CACTIN: variants seen among roughly 807,000 people sequenced by gnomAD.
CACTIN encodes the protein cactin, spliceosome C complex subunit, also known as splicing factor Cactin.
A neutral mutation model predicts 84.9 loss-of-function variants in CACTIN; 20 were observed. The observed-to-expected ratio is 0.24, with a 90% CI of 0.17 to 0.34. CACTIN has a LOEUF of 0.34. CACTIN is among the 10% of genes least tolerant of loss of function. The probability of loss-of-function intolerance (pLI) is 1.00; values close to 1 mark genes in which losing one functional copy is unlikely to be tolerated. For synonymous variants in CACTIN, 549 were observed against 467.9 expected (o/e 1.17, Z -2.24); for missense variants, 897 against 1,117.2 (o/e 0.80, Z 2.81).
rs1370916438 is a variant in CACTIN, at chr19:3,615,884, G to A, written c.1163-1295C>T. 6.6e-6 allele frequency: 1 copy of A among 152,246 alleles called. No homozygotes were observed. Among genetic ancestry groups the A allele is most frequent in the Non-Finnish European group, 1.5e-5 (1 of 68,124 alleles). 9.4% of individuals were successfully genotyped at this position (152,246 alleles called of 1,614,324 possible). A position where few individuals can be genotyped will look rare whatever the true frequency, so the allele number is the denominator to read the frequency against. ...CTGCAGCCCCTTTGCTGGGCGCTAA[G>A]TGGCACTGGAATCCGTGGCAGCCCC... On this transcript the variant is annotated intron_variant, in intron 6 of 9. Transcript: ENST00000429344. The surrounding 1 kb of genome is among the most constrained non-coding windows in gnomAD (Gnocchi z 5.2).
chr19:3,614,494 C>T lies in CACTIN; in HGVS notation c.1258G>A (p.Gly420Ser). Residue 420 changes from glycine to serine, a missense_variant, in exon 7 of 10, where the codon GGC (glycine) becomes AGC (serine). Around this residue, in one of 8 missense-constraint regions of CACTIN, gnomAD observed 304 missense variants for 444.3 expected, o/e 0.68. Coordinates refer to ENST00000429344, the MANE Select transcript of CACTIN (RefSeq NM_001080543.2). ...TYNQLQVIFQ[G>S]IEGKIRAGGP... Reference sequence around the variant, plus strand: ...CCAGCGCGGATTTTGCCCTCGATGCCCTGGAAGATGACCTGCAGCTGGTTG... The same window carrying T: ...CCAGCGCGGATTTTGCCCTCGATGCTCTGGAAGATGACCTGCAGCTGGTTG... 2 of 1,605,470 alleles carry T rather than the reference C, an allele frequency of 1.2e-6. No individual in the cohort carries two copies. Among genetic ancestry groups the T allele is most frequent in the Non-Finnish European group, 1.7e-6 (2 of 1,176,072 alleles).
At chr19:3,614,743 G>A (rs888263317) in intron 6 of CACTIN, 154 bp from the exon 7 acceptor site, 2 of 662,590 alleles carry the variant, frequency 3.0e-6, no homozygotes, top group African/African-American at 3.6e-5. Flanking sequence ...CTGGTCTCAG[G>A]TTGTCCCCAC....
Position 3,611,452 on chromosome 19 carries a change from G to A in CACTIN, c.*471C>T, listed in dbSNP as rs1205872742. On this transcript the variant is annotated 3_prime_UTR_variant, in exon 10 of 10. Transcript: ENST00000429344. ...TCACGCCCAGTGGGTGCCCCGTGATGTGGCAGGGCTGGCCTTGAGTTTCCT... is the reference window on the plus strand; with the variant it reads ...TCACGCCCAGTGGGTGCCCCGTGATATGGCAGGGCTGGCCTTGAGTTTCCT... 1 of 401,690 alleles carries A rather than the reference G, an allele frequency of 2.5e-6. No individual in the cohort carries two copies. Among genetic ancestry groups the A allele is most frequent in the Non-Finnish European group, 4.8e-6 (1 of 207,902 alleles). The allele number at this position is 401,690 out of a possible 1,614,324, so 24.9% of individuals were successfully genotyped here.
At chr19:3,626,558 G>T (rs750352310) in intron 1 of CACTIN, 38 bp downstream of exon 1, 2 of 1,367,916 alleles carry the variant, frequency 1.5e-6, no homozygotes, top group East Asian at 3.0e-5. Context: ...CCTGAGGTAG[G>T]AGCCGGATCC....
intron 6 of CACTIN, among the ~76,000 whole-genome samples, chr19:3,618,618 C>G (rs3746127): frequency 3.3e-5 from 5 of 152,120 alleles, no homozygotes; most frequent in African/African-American, 4.8e-5. Flanking sequence ...AGGCCGGCAC[C>G]GCCGAGTCAG....
In CACTIN at chr19:3,620,785, C is replaced by G. The variant is rs1012134926; in HGVS notation, c.660G>C (p.Gly220=). The G allele has an allele frequency of 6.2e-7, 1 of 1,613,374 alleles. No homozygotes were observed. Among genetic ancestry groups the G allele is most frequent in the Non-Finnish European group, 8.5e-7 (1 of 1,179,914 alleles). The change falls in exon 3 of 10, where the codon GGG becomes GGC. Residue 220 remains glycine (G), a synonymous_variant. Transcript: ENST00000429344. ...GCTCCTTCTCCTCCAGGTGGCTGAT[C>G]CCCTTCTTCTCCAGGGCCTGGAAGC... The part of the protein sequence containing the change: ...FIWNKALEKK[G]ISHLEEKELK...
chr19:3,618,888 C>A lies in CACTIN; in HGVS notation c.1149G>T (p.Ser383=). The change falls in exon 6 of 10, where the codon TCG becomes TCT. Residue 383 remains serine (S), a synonymous_variant. Coordinates refer to ENST00000429344, the MANE Select transcript of CACTIN (RefSeq NM_001080543.2). ...EISKLRKLEA[S]GKGPGERREG... ...GCCCGCCGTTACCTGGCCCCTTGCCCGAGGCCTCCAGCTTGCGGAGCTTGG... is the reference window on the plus strand; with the variant it reads ...GCCCGCCGTTACCTGGCCCCTTGCCAGAGGCCTCCAGCTTGCGGAGCTTGG... 6.4e-7 allele frequency: 1 copy of A among 1,552,874 alleles called. No individual in the cohort carries two copies.
intron 1 of CACTIN, among the ~76,000 whole-genome samples, chr19:3,625,974 G>C (rs1025692456): frequency 6.6e-6 from 1 of 152,206 alleles, no homozygotes; most frequent in African/African-American, 2.4e-5. Context: ...AATCAGCTGT[G>C]AGTCCTGCCA....
At chr19:3,625,772 C>A (rs1455299843) in intron 1 of CACTIN, among the ~76,000 whole-genome samples, 1 of 152,220 alleles carries the variant, frequency 6.6e-6, no homozygotes, top group African/African-American at 2.4e-5. Flanking sequence ...GTGAACTTGG[C>A]CCAGAGCGGG....
rs1278651546 is a variant in CACTIN at position 3,620,165 on chromosome 19, C to T, written c.846G>A (p.Glu282=). ...KEAEHFKTWE[E]QEDNFHLQQA... is the part of the protein sequence containing the mutation. Reference sequence around the variant, plus strand: ...GCTGGAGGTGGAAGTTGTCCTCCTGCTCCTCCCATGTCTTGAAGTGCTCTG... The same window carrying T: ...GCTGGAGGTGGAAGTTGTCCTCCTGTTCCTCCCATGTCTTGAAGTGCTCTG... The change falls in exon 4 of 10, where the codon GAG becomes GAA. Residue 282 remains glutamate (E), a synonymous_variant. Coordinates refer to ENST00000429344, the MANE Select transcript of CACTIN (RefSeq NM_001080543.2). 1 of 1,612,028 alleles carries T rather than the reference C, an allele frequency of 6.2e-7. No individual in the cohort carries two copies. Among genetic ancestry groups the T allele is most frequent in the East Asian group, 2.2e-5 (1 of 44,864 alleles).
Position 3,623,832 on chromosome 19 carries a change from C to T in CACTIN, c.498G>A (p.Lys166=). ...LMKAFETPEE[K]RARRLAKKEA... is the part of the protein sequence containing the mutation. ...CCTTCTTGGCCAGCCGCCGTGCGCG[C>T]TTCTCCTCGGGCGTCTCGAAGGCCT... is the stretch of plus-strand genomic sequence containing the variant. The change falls in exon 2 of 10, where the codon AAG becomes AAA. Residue 166 remains lysine, a synonymous_variant. Coordinates refer to ENST00000429344, the MANE Select transcript of CACTIN (RefSeq NM_001080543.2). 6.2e-7 allele frequency: 1 copy of T among 1,613,006 alleles called. No homozygotes were observed. The highest frequency in any genetic ancestry group is 2.2e-5 in the East Asian group (1 of 44,890).
chr19:3,622,026 C>T (rs2033234674), intron 2 of CACTIN, among the ~76,000 whole-genome samples: 1 of 152,168 alleles, frequency 6.6e-6, no homozygotes, highest in South Asian at 2.1e-4. Context: ...CCCCCACAGG[C>T]ACATCCCCGT....
Position 3,615,813 on chromosome 19 carries a change from G to A in CACTIN, c.1163-1224C>T, listed in dbSNP as rs2033093848. Reference sequence around the variant, plus strand: ...CTGGATAGAGTCTAGACGGACCCGAGTCCCCTCCAGCCAATCACCTGGGAC... The same window carrying A: ...CTGGATAGAGTCTAGACGGACCCGAATCCCCTCCAGCCAATCACCTGGGAC... On this transcript the variant is annotated intron_variant, in intron 6 of 9. Transcript: ENST00000429344. The surrounding 1 kb of genome is among the most constrained non-coding windows in gnomAD (Gnocchi z 5.2). 1 of 152,108 alleles carries A rather than the reference G, an allele frequency of 6.6e-6. No homozygotes were observed. The highest frequency in any genetic ancestry group is 1.5e-5 in the Non-Finnish European group (1 of 68,064). 9.4% of individuals were successfully genotyped at this position (152,108 alleles called of 1,614,324 possible). A position where few individuals can be genotyped will look rare whatever the true frequency, so the allele number is the denominator to read the frequency against.
At position 3,626,688 on chromosome 19, in the gene CACTIN, G is replaced by T. The variant is rs2145341904; in HGVS notation, c.75C>A (p.Ser25Arg). The T allele has an allele frequency of 6.6e-7, 1 of 1,519,464 alleles. No individual in the cohort carries two copies. The highest frequency in any genetic ancestry group is 8.8e-7 in the Non-Finnish European group (1 of 1,141,514). The allele number at this position is 1,519,464 out of a possible 1,614,324, so 94.1% of individuals were successfully genotyped here. A position where few individuals can be genotyped will look rare whatever the true frequency, so the allele number is the denominator to read the frequency against. ...RGRRRQSQSG[S>R]RSRSRSHGRR... The stretch of plus-strand genomic sequence containing the variant: ...GCCCATGGCTCCTGCTCCGACTTCG[G>T]CTCCCGCTCTGACTCTGCCGCCTTC... The change falls in exon 1 of 10, where the codon AGC becomes AGA. Residue 25 changes from serine to arginine, a missense_variant. Transcript: ENST00000429344.
intron 6 of CACTIN, among the ~76,000 whole-genome samples, chr19:3,617,000 A>C (rs1293334567): frequency 6.6e-6 from 1 of 152,156 alleles, no homozygotes; most frequent in Non-Finnish European, 1.5e-5. Context: ...GCGCGTCTGT[A>C]ATCCCAGCTA....
At position 3,620,233 on chromosome 19, in the gene CACTIN, T is replaced by C; in HGVS notation, c.778A>G (p.Met260Val). Residue 260 changes from methionine to valine, a missense_variant, in exon 4 of 10, where the codon ATG becomes GTG. Met to Val is a conservative substitution (Grantham distance 21). Transcript: ENST00000429344. The part of the protein sequence containing the change: ...LRLEREREKA[M>V]REQELEMLQR... ...AGCATCTCCAGCTCCTGCTCGCGCA[T>C]GGCCTTCTCCCGCTCCCGCTCCAGC... 6.3e-7 allele frequency: 1 copy of C among 1,595,860 alleles called. No individual in the cohort carries two copies. Among genetic ancestry groups the C allele is most frequent in the South Asian group, 1.1e-5 (1 of 88,824 alleles).
intron 6 of CACTIN, among the ~76,000 whole-genome samples, chr19:3,617,287 GAAAAGT>G (rs1263415004): frequency 1.3e-5 from 2 of 152,220 alleles, no homozygotes; most frequent in Admixed American, 1.3e-4. Flanking sequence ...TCTGAAAAAT[GAAAAGT>G]AAAAGGAAAA....
chr19:3,618,354 C>T (rs901525520), intron 6 of CACTIN, among the ~76,000 whole-genome samples: 2 of 152,114 alleles, frequency 1.3e-5, no homozygotes, highest in Non-Finnish European at 2.9e-5. Context: ...CGGCCCAGCC[C>T]GCATGTCCGC....
rs1302475836 is a variant in CACTIN at position 3,611,184 on chromosome 19, CCCA to C, written c.*736_*738del. 2.5e-6 allele frequency: 1 copy of C among 406,860 alleles called. No homozygotes were observed. Among genetic ancestry groups the C allele is most frequent in the Non-Finnish European group, 5.0e-6 (1 of 201,588 alleles). The allele number at this position is 406,860 out of a possible 1,614,324, so 25.2% of individuals were successfully genotyped here. ...GAGGACGGCTCAGTGACTTTTGGTT[CCCA>C]CGACCTTGACAGAGACAGGGACCTC... On this transcript the variant is annotated 3_prime_UTR_variant, in exon 10 of 10. Transcript: ENST00000429344.
Sources: gnomAD v4.1 joint callset for allele counts (sites outside exome capture counted in the v4.1 genomes callset) on GRCh38, gnomAD v4.1.1 for gene constraint, gnomAD v4.1.1 regional missense constraint, Gnocchi (gnomAD v3.1) non-coding constraint, MANE v1.5 for transcripts, NCBI Gene and HGNC (gene_info 2026-07-23, HGNC 2026-07-21) for gene names.